HS6ST3: variants seen among roughly 807,000 people sequenced by gnomAD.
HS6ST3 encodes heparan sulfate 6-O-sulfotransferase 3.
A neutral mutation model predicts 36.7 loss-of-function variants in HS6ST3; 12 were observed. The ratio of observed to expected loss-of-function variants is 0.33; its 90% CI spans 0.21 to 0.53. The LOEUF (loss-of-function observed/expected upper bound fraction) is 0.53, where lower values mean the gene tolerates loss of function less well. Ranked by LOEUF, HS6ST3 falls within the 20% of genes least tolerant of loss-of-function variation. HS6ST3 has a pLI of 0.95. For missense variants in HS6ST3, 584 were observed against 640.9 expected, an observed-to-expected ratio of 0.91 and a Z score of 0.96; for synonymous variants, 240 against 257.5, an observed-to-expected ratio of 0.93 and a Z score of 0.65.
chr13:96,219,980 C>G (rs1248389489), intron 1 of HS6ST3, among the ~76,000 whole-genome samples: 2 of 152,200 alleles, frequency 1.3e-5, no homozygotes, highest in Non-Finnish European at 2.9e-5. Context: ...CAGCTCCCAG[C>G]CCACAGGTAG....
intron 1 of HS6ST3, among the ~76,000 whole-genome samples, chr13:96,293,830 A>G (rs1408228272): frequency 2.0e-5 from 3 of 152,114 alleles, no homozygotes; most frequent in Non-Finnish European, 4.4e-5. Context: ...CAAGGTGTGC[A>G]AACTGATAAG....
intron 1 of HS6ST3, among the ~76,000 whole-genome samples, chr13:96,323,913 G>A (rs1026022308): frequency 3.9e-5 from 6 of 152,170 alleles, no homozygotes. Flanking sequence ...GGCACACTAA[G>A]CACTCAATAA....
chr13:96,663,467 A>G (rs1218277780), intron 1 of HS6ST3, among the ~76,000 whole-genome samples: 1 of 152,228 alleles, frequency 6.6e-6, no homozygotes, highest in African/African-American at 2.4e-5. Flanking sequence ...TTATATATCC[A>G]TAAGAATGGC....
intron 1 of HS6ST3, among the ~76,000 whole-genome samples, chr13:96,420,858 C>G (rs2055558982): frequency 6.6e-6 from 1 of 152,154 alleles, no homozygotes; most frequent in African/African-American, 2.4e-5. Flanking sequence ...AAGTGTGAAC[C>G]ATTTGCTGAG....
At chr13:96,725,284 T>C (rs1436215220) in intron 1 of HS6ST3, among the ~76,000 whole-genome samples, 1 of 152,244 alleles carries the variant, frequency 6.6e-6, no homozygotes, top group African/African-American at 2.4e-5. Context: ...TGGTCAGATA[T>C]GTGATTTGCT....
In HS6ST3 at chr13:96,417,311, T is replaced by C. The variant is rs552128955; in HGVS notation, c.707+325742T>C. Reference sequence around the variant, plus strand: ...ACAAAGATCTCTGCCTTCATGAGCTTACATTCTAATGCAACACTCTTCTTC... The same window carrying C: ...ACAAAGATCTCTGCCTTCATGAGCTCACATTCTAATGCAACACTCTTCTTC... On this transcript the variant is annotated intron_variant, in intron 1 of 1. Transcript: ENST00000376705. Among the ~76,000 whole-genome samples the C allele has an allele frequency of 2.0e-5, 3 of 152,270 alleles. No individual in the cohort carries two copies. In the East Asian group the frequency reaches 5.8e-4, roughly 29 times the overall value.
At chr13:96,822,235 A>G (rs1397594371) in intron 1 of HS6ST3, among the ~76,000 whole-genome samples, 3 of 152,218 alleles carry the variant, frequency 2.0e-5, no homozygotes, top group Non-Finnish European at 4.4e-5. Context: ...GGATACCCGC[A>G]TGCATAAACC....
Position 96,166,922 on chromosome 13 carries a change from G to A in HS6ST3, c.707+75353G>A, listed in dbSNP as rs1456553007. On this transcript the variant is annotated intron_variant, in intron 1 of 1. Coordinates refer to ENST00000376705, the MANE Select transcript of HS6ST3 (RefSeq NM_153456.4). ...CTAAATCTGATCATTTTTTAAAGGG[G>A]CTTTTACCCCTTTTGCTCAGTGCTT... Among the ~76,000 whole-genome samples the A allele has an allele frequency of 1.3e-5, 2 of 152,092 alleles. 1 individual carries two copies. Among genetic ancestry groups the A allele is most frequent in the South Asian group, 4.2e-4 (2 of 4,802 alleles).
At chr13:96,591,063 T>A (rs2056380370) in intron 1 of HS6ST3, among the ~76,000 whole-genome samples, 1 of 151,946 alleles carries the variant, frequency 6.6e-6, no homozygotes, top group African/African-American at 2.4e-5. Context: ...CTGTTTTTTT[T>A]TTTTGCCAGT....
chr13:96,544,864 T>A (rs1481213798), intron 1 of HS6ST3, among the ~76,000 whole-genome samples: 1 of 152,188 alleles, frequency 6.6e-6, no homozygotes, highest in Non-Finnish European at 1.5e-5. Context: ...ATCTGGCTCA[T>A]TATATTATTT....
In HS6ST3 at chr13:96,419,253, G is replaced by A. The variant is rs141117603; in HGVS notation, c.707+327684G>A. Among the ~76,000 whole-genome samples the A allele has an allele frequency of 8.8e-3, 1,342 of 152,286 alleles. 10 individuals are homozygous for A. Among genetic ancestry groups the A allele is most frequent in the South Asian group, 0.033 (158 of 4,830 alleles). On this transcript the variant is annotated intron_variant, in intron 1 of 1. Transcript: ENST00000376705. Reference sequence around the variant, plus strand: ...ATCACTAATTATGAGTTCCTTTTCCGTTTTAATGTGAAACCATCCTTCAAG... The same window carrying A: ...ATCACTAATTATGAGTTCCTTTTCCATTTTAATGTGAAACCATCCTTCAAG...
intron 1 of HS6ST3, among the ~76,000 whole-genome samples, chr13:96,424,136 A>C (rs1332243692): frequency 6.6e-6 from 1 of 152,188 alleles, no homozygotes; most frequent in Non-Finnish European, 1.5e-5. Flanking sequence ...TATTTATTAG[A>C]GATAAGTTTT....
intron 1 of HS6ST3, among the ~76,000 whole-genome samples, chr13:96,463,145 A>G (rs2055793344): frequency 6.6e-6 from 1 of 152,184 alleles, no homozygotes; most frequent in African/African-American, 2.4e-5. Context: ...TTTTTAAAAG[A>G]TTTATTTGAA....
intron 1 of HS6ST3, among the ~76,000 whole-genome samples, chr13:96,496,676 T>C (rs1363089960): frequency 6.6e-6 from 1 of 152,058 alleles, no homozygotes; most frequent in Non-Finnish European, 1.5e-5. Context: ...GAAGACACTA[T>C]GTGGAGGAGA....
chr13:96,607,151 G>T (rs2056441991), intron 1 of HS6ST3, among the ~76,000 whole-genome samples: 1 of 152,106 alleles, frequency 6.6e-6, no homozygotes, highest in Non-Finnish European at 1.5e-5. Context: ...TCAAAACATT[G>T]TGATAAAGTT....
At chr13:96,804,093 G>A (rs541887306) in intron 1 of HS6ST3, among the ~76,000 whole-genome samples, 1 of 151,828 alleles carries the variant, frequency 6.6e-6, no homozygotes, top group Non-Finnish European at 1.5e-5. Flanking sequence ...CACCAAGGCA[G>A]TGGAGCAGTC....
At chr13:96,380,733 AAT>A (rs1239172414) in intron 1 of HS6ST3, among the ~76,000 whole-genome samples, 1 of 152,252 alleles carries the variant, frequency 6.6e-6, no homozygotes, top group African/African-American at 2.4e-5. Flanking sequence ...ACTGATACTT[AAT>A]ATGTTTTAAA....
At chr13:96,574,324 G>A in intron 1 of HS6ST3, 1 of 388,036 alleles carries the variant, frequency 2.6e-6, no homozygotes, top group Non-Finnish European at 5.1e-6. Context: ...TTTCACCTGA[G>A]TCCTTGCTCA....
chr13:96,624,928 G>A (rs754147982), intron 1 of HS6ST3, among the ~76,000 whole-genome samples: 2 of 152,176 alleles, frequency 1.3e-5, no homozygotes, highest in Non-Finnish European at 2.9e-5. Flanking sequence ...TTTGGTGCAT[G>A]TGATGCAGGG....
Sources: allele counts gnomAD v4.1 joint callset (sites outside exome capture counted in the v4.1 genomes callset), GRCh38; gene constraint gnomAD v4.1.1; transcripts MANE v1.5; gene names NCBI Gene and HGNC (gene_info 2026-07-23, HGNC 2026-07-21).